The following KCNIP1 variants were observed in gnomAD, a reference collection of about 807,000 sequenced individuals.
The protein encoded by KCNIP1 is A-type potassium channel modulatory protein KCNIP1.
KCNIP1 carries 18 observed loss-of-function variants against 33.0 expected under a neutral mutation model. The observed-to-expected ratio is 0.55, with a 90% CI of 0.38 to 0.81. The LOEUF (loss-of-function observed/expected upper bound fraction) is 0.81, where lower values mean the gene tolerates loss of function less well. Among genes scored for constraint, KCNIP1 ranks in the 30% least tolerant of loss-of-function variants. KCNIP1 has a pLI of 0.00. For synonymous variants in KCNIP1, 93 were observed against 98.3 expected (o/e 0.95, Z 0.32); for missense variants, 238 against 271.6 (o/e 0.88, Z 0.87).
intron 1 of KCNIP1, among the ~76,000 whole-genome samples, chr5:170,616,893 G>A (rs1035949620): frequency 2.0e-5 from 3 of 151,958 alleles, no homozygotes; most frequent in Non-Finnish European, 4.4e-5. Context: ...CTGGAATTCA[G>A]CCTTCCTGGA....
intron 1 of KCNIP1, among the ~76,000 whole-genome samples, chr5:170,563,648 G>A (rs1165060189): frequency 6.6e-6 from 1 of 151,464 alleles, no homozygotes; most frequent in East Asian, 1.9e-4. Flanking sequence ...TTTTTTGTTT[G>A]TTTGTTTGTT....
At chr5:170,719,584 C>A (rs1289482996) in intron 2 of KCNIP1, among the ~76,000 whole-genome samples, 1 of 152,068 alleles carries the variant, frequency 6.6e-6, no homozygotes, top group Non-Finnish European at 1.5e-5. Context: ...CAGCGACATG[C>A]ACCTGGTCAC....
intron 1 of KCNIP1, among the ~76,000 whole-genome samples, chr5:170,435,945 G>A (rs1185791767): frequency 6.6e-6 from 1 of 152,070 alleles, no homozygotes; most frequent in Non-Finnish European, 1.5e-5. Context: ...GCAAATTGCT[G>A]CAGCACTGCC....
chr5:170,448,339 G>A (rs537219985), intron 1 of KCNIP1, among the ~76,000 whole-genome samples: 2 of 152,364 alleles, frequency 1.3e-5, no homozygotes, highest in African/African-American at 4.8e-5. Context: ...CTACCAGCAT[G>A]TCTTGTACAT....
At position 170,569,830 on chromosome 5, in the gene KCNIP1, A is replaced by G. The variant is rs76029111; in HGVS notation, c.61+65197A>G. On this transcript the variant is annotated intron_variant, in intron 1 of 7. Coordinates refer to ENST00000328939, the MANE Select transcript of KCNIP1 (RefSeq NM_014592.4). The stretch of plus-strand genomic sequence containing the variant: ...TAGCTTTGCTAGGATTATGATTTCC[A>G]TCCAGACAAAGAAGTTGCCCTCAGT... Among the ~76,000 whole-genome samples the G allele has an allele frequency of 2.3e-3, 357 of 152,250 alleles. 1 individual carries two copies. The highest frequency in any genetic ancestry group is 8.4e-3 in the African/African-American group (350 of 41,538).
At chr5:170,590,995 A>G (rs573899214) in intron 1 of KCNIP1, among the ~76,000 whole-genome samples, 1 of 150,726 alleles carries the variant, frequency 6.6e-6, no homozygotes, top group Non-Finnish European at 1.5e-5. Flanking sequence ...GAACTTGGGC[A>G]TCTGACCACA....
chr5:170,533,291 C>T (rs568773791), intron 1 of KCNIP1, among the ~76,000 whole-genome samples: 6 of 152,210 alleles, frequency 3.9e-5, no homozygotes, highest in Non-Finnish European at 8.8e-5. Context: ...CTATATTCCC[C>T]GCCTGGGCAT....
At chr5:170,573,160 A>G (rs533744243) in intron 1 of KCNIP1, among the ~76,000 whole-genome samples, 1 of 152,290 alleles carries the variant, frequency 6.6e-6, no homozygotes, top group East Asian at 1.9e-4. Flanking sequence ...GCAAGGAACA[A>G]TTTCTTTTGC....
At chr5:170,636,295 A>C (rs1434714635) in intron 1 of KCNIP1, among the ~76,000 whole-genome samples, 2 of 152,072 alleles carry the variant, frequency 1.3e-5, no homozygotes, top group African/African-American at 4.8e-5. Flanking sequence ...GTCGAAAGAG[A>C]AGAGCAGAGC....
chr5:170,666,229 T>A (rs1398205280), intron 1 of KCNIP1, among the ~76,000 whole-genome samples: 1 of 152,242 alleles, frequency 6.6e-6, no homozygotes, highest in Non-Finnish European at 1.5e-5. Context: ...AGTATTTTAC[T>A]TCTTTTCTTG....
chr5:170,645,954 G>A (rs1364335706), intron 1 of KCNIP1, among the ~76,000 whole-genome samples: 1 of 151,838 alleles, frequency 6.6e-6, no homozygotes, highest in African/African-American at 2.4e-5. Flanking sequence ...CAATAATAAA[G>A]GAATATTATG....
chr5:170,467,101 G>A lies in KCNIP1; in HGVS notation c.88+113137G>A, dbSNP rs148475706. On this transcript the variant is annotated intron_variant, in intron 1 of 7. Transcript: ENST00000377360. ...TAGGGAGAGAAGTTTTGGCGGAGTT[G>A]ACAAGCACAGTCAGATGGAATGTGC... 1.6e-3 allele frequency among the ~76,000 whole-genome samples: 244 copies of A among 152,290 alleles called. 1 individual carries two copies. The highest frequency in any genetic ancestry group is 0.01 in the Middle Eastern group (3 of 294).
chr5:170,378,445 G>A, intron 1 of KCNIP1: 1 of 461,768 alleles, frequency 2.2e-6, no homozygotes, highest in Non-Finnish European at 3.8e-6. Context: ...TCAGTTGAGT[G>A]GGGACAGGTA....
chr5:170,513,272 T>C (rs899975050), intron 1 of KCNIP1, among the ~76,000 whole-genome samples: 2 of 152,124 alleles, frequency 1.3e-5, no homozygotes, highest in Admixed American at 1.3e-4. Context: ...AATAAGAAAA[T>C]AGAATCCAGA....
chr5:170,531,476 A>T (rs1327455142), intron 1 of KCNIP1, among the ~76,000 whole-genome samples: 1 of 152,154 alleles, frequency 6.6e-6, no homozygotes, highest in Non-Finnish European at 1.5e-5. Flanking sequence ...AGAAGTGCCT[A>T]CTTCAATTGC....
intron 1 of KCNIP1, among the ~76,000 whole-genome samples, chr5:170,366,420 C>T (rs1763662318): frequency 6.6e-6 from 1 of 152,330 alleles, no homozygotes; most frequent in Middle Eastern, 3.4e-3. Flanking sequence ...ACCACAAAGC[C>T]CCATGGACAA....
At chr5:170,628,730 T>C (rs895895912) in intron 1 of KCNIP1, among the ~76,000 whole-genome samples, 1 of 152,158 alleles carries the variant, frequency 6.6e-6, no homozygotes, top group Non-Finnish European at 1.5e-5. Flanking sequence ...CGTCAATACA[T>C]GAATATTGAC....
At chr5:170,492,940 G>T (rs1757235891) in intron 1 of KCNIP1, among the ~76,000 whole-genome samples, 1 of 152,018 alleles carries the variant, frequency 6.6e-6, no homozygotes, top group African/African-American at 2.4e-5. Context: ...AGTAGAGACG[G>T]GGTTTCACCA....
At chr5:170,359,793 G>T (rs974453488) in intron 1 of KCNIP1, among the ~76,000 whole-genome samples, 3 of 152,250 alleles carry the variant, frequency 2.0e-5, no homozygotes, top group African/African-American at 7.2e-5. Context: ...ACCCATTTGG[G>T]TTGTTCAGGT....
Sources: allele counts gnomAD v4.1 joint callset (sites outside exome capture counted in the v4.1 genomes callset), GRCh38; gene constraint gnomAD v4.1.1; transcripts MANE v1.5; gene names NCBI Gene and HGNC (gene_info 2026-07-23, HGNC 2026-07-21).